Variants in ATP10A observed in about 807,000 individuals in gnomAD.
ATP10A encodes ATPase phospholipid transporting 10A (putative).
A neutral mutation model predicts 147.8 loss-of-function variants in ATP10A; 111 were observed. That is an observed-to-expected ratio of 0.75 (90% CI 0.64 to 0.88). The LOEUF is 0.88. Ranked by LOEUF, ATP10A falls within the 40% of genes least tolerant of loss-of-function variation. The pLI, the probability that ATP10A is intolerant of heterozygous loss-of-function variation, is 0.00. For synonymous variants in ATP10A, 875 were observed against 841.6 expected, an observed-to-expected ratio of 1.04 and a Z score of -0.69; for missense variants, 1,927 against 1,959.0, an observed-to-expected ratio of 0.98 and a Z score of 0.31.
chr15:25,766,219 C>T (rs567631624), intron 2 of ATP10A, among the ~76,000 whole-genome samples: 5 of 152,292 alleles, frequency 3.3e-5, no homozygotes, highest in Non-Finnish European at 4.4e-5. Context: ...CAGTTACCTC[C>T]CCCTGGTTCC....
At chr15:25,864,854 C>T (rs1893919170), upstream of ATP10A, among the ~76,000 whole-genome samples, 1 of 152,114 alleles carries the variant, frequency 6.6e-6, no homozygotes, top group Non-Finnish European at 1.5e-5. Flanking sequence ...TGGTGACCCC[C>T]GAGGCCTTCG....
At chr15:25,734,968 C>T (rs1441984852) in intron 3 of ATP10A, among the ~76,000 whole-genome samples, 4 of 148,158 alleles carry the variant, frequency 2.7e-5, no homozygotes, top group Admixed American at 1.4e-4. Context: ...AGAAGCAGAT[C>T]GCTCCCACGC....
intron 10 of ATP10A, chr15:25,708,775 T>C (rs956868198): frequency 1.7e-4 from 28 of 163,892 alleles, no homozygotes; most frequent in African/African-American, 6.2e-4. Context: ...AAGTGCACTT[T>C]CTATCCTCAG....
chr15:25,862,344 T>G, intron 1 of ATP10A: 1 of 584,162 alleles, frequency 1.7e-6, no homozygotes, highest in Non-Finnish European at 3.2e-6. Flanking sequence ...CGGCTGTGGA[T>G]GAGGATGTCC....
At chr15:25,769,507 A>C (rs1263623749) in intron 2 of ATP10A, among the ~76,000 whole-genome samples, 3 of 151,250 alleles carry the variant, frequency 2.0e-5, no homozygotes, top group Admixed American at 6.6e-5. Context: ...AAAAAAAAAA[A>C]AAAAAAGACA....
intron 2 of ATP10A, among the ~76,000 whole-genome samples, chr15:25,762,117 T>C (rs1350693743): frequency 6.6e-6 from 1 of 152,144 alleles, no homozygotes; most frequent in Non-Finnish European, 1.5e-5. Context: ...GATGGTCTTA[T>C]AAGGGCCTTT....
rs1207795617 is a variant in ATP10A at position 25,726,030 on chromosome 15, G to A, written c.900C>T (p.Ser300=). Residue 300 remains serine (S), a synonymous_variant, in exon 5 of 21, where the codon AGC becomes AGT. Transcript: ENST00000555815. ...CGCAGTTCATCTGCCTCTCCAGCTTGCTGCGCTTGTAGCGGGGCCCACTGT... is the reference window on the plus strand; with the variant it reads ...CGCAGTTCATCTGCCTCTCCAGCTTACTGCGCTTGTAGCGGGGCCCACTGT... ...LNNSGPRYKR[S]KLERQMNCDV... 1 of 1,614,170 alleles carries A rather than the reference G, an allele frequency of 6.2e-7. No homozygotes were observed. The highest frequency in any genetic ancestry group is 1.7e-5 in the Admixed American group (1 of 60,034).
intron 1 of ATP10A, among the ~76,000 whole-genome samples, chr15:25,846,427 C>T (rs1285201915): frequency 1.3e-5 from 2 of 152,194 alleles, no homozygotes; most frequent in African/African-American, 2.4e-5. Flanking sequence ...CTCAGTGTGA[C>T]AGTGACAAGC....
chr15:25,718,034 T>G, intron 8 of ATP10A, 148 bp downstream of exon 8: 1 of 786,374 alleles, frequency 1.3e-6, no homozygotes, highest in African/African-American at 1.7e-5. Flanking sequence ...GAGAAAGTGT[T>G]GGCCAGAAAA....
At chr15:25,765,228 T>C (rs1203194845) in intron 2 of ATP10A, among the ~76,000 whole-genome samples, 1 of 152,100 alleles carries the variant, frequency 6.6e-6, no homozygotes, top group East Asian at 1.9e-4. Flanking sequence ...GGAGAGACAA[T>C]GTTTAACAGC....
At chr15:25,730,307 AAAAAAAAAAAAAAAAAAAAAAG>A (rs1429920525) in intron 3 of ATP10A, among the ~76,000 whole-genome samples, 1 of 3,176 alleles carries the variant, frequency 3.1e-4, no homozygotes, top group East Asian at 0.17. Flanking sequence ...GTCTCAAAAA[AAAAAAAAAAAAAAAAAAAAAAG>A]AAGAAAGAAA....
chr15:25,744,382 GTA>G (rs781379562), intron 2 of ATP10A, among the ~76,000 whole-genome samples: 5 of 152,028 alleles, frequency 3.3e-5, no homozygotes, highest in East Asian at 1.9e-4. Flanking sequence ...GTGAGTGTGT[GTA>G]TATATATATG....
chr15:25,823,941 A>G (rs550222398), intron 1 of ATP10A, among the ~76,000 whole-genome samples: 3 of 152,304 alleles, frequency 2.0e-5, no homozygotes, highest in African/African-American at 4.8e-5. Context: ...GTTCTTTTGC[A>G]CCTATGCACC....
intron 1 of ATP10A, chr15:25,841,348 C>A (rs1309295173): frequency 6.6e-6 from 1 of 151,432 alleles, no homozygotes; most frequent in Non-Finnish European, 1.5e-5. Flanking sequence ...ATACTTCCTC[C>A]ACTGAACTGA....
chr15:25,765,390 G>C (rs1365081025), intron 2 of ATP10A, among the ~76,000 whole-genome samples: 1 of 152,162 alleles, frequency 6.6e-6, no homozygotes, highest in Non-Finnish European at 1.5e-5. Context: ...AAGCCCTCCA[G>C]AACATTCAGC....
At chr15:25,838,785 G>T (rs1892690072) in intron 1 of ATP10A, among the ~76,000 whole-genome samples, 1 of 152,164 alleles carries the variant, frequency 6.6e-6, no homozygotes, top group African/African-American at 2.4e-5. Context: ...AATGGGGAAA[G>T]GACGGGCTTT....
At chr15:25,714,386 T>A in intron 9 of ATP10A, 145 bp from the exon 10 acceptor site, 1 of 704,184 alleles carries the variant, frequency 1.4e-6, no homozygotes, top group Non-Finnish European at 2.3e-6. Flanking sequence ...GATTTCCCAT[T>A]TCCCAGATTT....
At chr15:25,794,574 T>A (rs1487167898) in intron 1 of ATP10A, among the ~76,000 whole-genome samples, 2 of 152,128 alleles carry the variant, frequency 1.3e-5, no homozygotes, top group Non-Finnish European at 2.9e-5. Flanking sequence ...CATGGAGACA[T>A]GATTTCCCTG....
intron 15 of ATP10A, among the ~76,000 whole-genome samples, chr15:25,688,794 G>A (rs570204802): frequency 6.6e-6 from 1 of 152,288 alleles, no homozygotes; most frequent in East Asian, 1.9e-4. Flanking sequence ...TCAATTTTCT[G>A]AACCAAAAGT....
Sources: allele counts gnomAD v4.1 joint callset (sites outside exome capture counted in the v4.1 genomes callset), GRCh38; gene constraint gnomAD v4.1.1; transcripts MANE v1.5; gene names NCBI Gene and HGNC (gene_info 2026-07-23, HGNC 2026-07-21).